Variants in HIVEP2 observed in about 807,000 individuals in gnomAD.
The protein encoded by HIVEP2 is transcription factor HIVEP2.
HIVEP2 carries 14 observed loss-of-function variants against 180.7 expected under a neutral mutation model. That is an observed-to-expected ratio of 0.08 (90% CI 0.05 to 0.12). The LOEUF (loss-of-function observed/expected upper bound fraction) is 0.12, where lower values mean the gene tolerates loss of function less well. Among genes scored for constraint, HIVEP2 ranks in the 10% least tolerant of loss-of-function variants. The pLI is 1.00. For missense variants in HIVEP2, 2,579 were observed against 3,008.5 expected, an observed-to-expected ratio of 0.86 and a Z score of 3.34; for synonymous variants, 1,184 against 1,136.4, an observed-to-expected ratio of 1.04 and a Z score of -0.84.
At chr6:142,791,415 G>A (rs952120869) in intron 2 of HIVEP2, among the ~76,000 whole-genome samples, 1 of 152,134 alleles carries the variant, frequency 6.6e-6, no homozygotes, top group Non-Finnish European at 1.5e-5. Context: ...GTGCTACATG[G>A]TTATTCAGGT....
chr6:142,846,828 G>C (rs980022161), intron 1 of HIVEP2, among the ~76,000 whole-genome samples: 1 of 152,202 alleles, frequency 6.6e-6, no homozygotes. Flanking sequence ...ACCTGTAAGA[G>C]TGTAAAAGAA....
intron 1 of HIVEP2, among the ~76,000 whole-genome samples, chr6:142,863,181 AT>A (rs550164871): frequency 2.0e-5 from 3 of 149,512 alleles, no homozygotes; most frequent in African/African-American, 7.3e-5. Flanking sequence ...GTTCTGTTGC[AT>A]TTTTTTTAAT....
chr6:142,894,817 G>A (rs1467896251), intron 1 of HIVEP2, among the ~76,000 whole-genome samples: 1 of 152,092 alleles, frequency 6.6e-6, no homozygotes, highest in Non-Finnish European at 1.5e-5. Context: ...CAGGGTCTCC[G>A]GCATCCACAG....
At chr6:142,812,185 C>T (rs1007824448) in intron 2 of HIVEP2, among the ~76,000 whole-genome samples, 2 of 152,068 alleles carry the variant, frequency 1.3e-5, no homozygotes, top group Admixed American at 6.6e-5. Context: ...CTACACCGAG[C>T]GAAATCCAAA....
Position 142,841,732 on chromosome 6 carries a change from G to C in HIVEP2, c.-640-4685C>G, listed in dbSNP as rs553365106. Among the ~76,000 whole-genome samples the C allele has an allele frequency of 2.0e-5, 3 of 152,052 alleles. No homozygotes were observed. In the South Asian group the frequency reaches 6.2e-4, roughly 32 times the overall value. On this transcript the variant is annotated intron_variant, in intron 1 of 9. Coordinates refer to ENST00000367603, the MANE Select transcript of HIVEP2 (RefSeq NM_006734.4). ...TCTTTTCAACATTTTGTTGTCCCAT[G>C]TTTAAAAAAATTGCATATTATTATG...
At chr6:142,889,663 A>G (rs1234816447) in intron 1 of HIVEP2, among the ~76,000 whole-genome samples, 2 of 152,210 alleles carry the variant, frequency 1.3e-5, no homozygotes, top group African/African-American at 2.4e-5. Flanking sequence ...AAATGGAATA[A>G]CATACACTGT....
In HIVEP2 at chr6:142,769,592, C is replaced by T. The variant is rs1010033600; in HGVS notation, c.5147G>A (p.Gly1716Asp). 3 of 1,614,170 alleles carry T rather than the reference C, an allele frequency of 1.9e-6. 1 individual carries two copies. Among genetic ancestry groups the T allele is most frequent in the South Asian group, 2.2e-5 (2 of 91,064 alleles). ...CCAAGCACTTGATGATGTAAGCTTG[C>T]CGGTTCCAGGCCTATGCATAGCAGC... ...TLAAMHRPGT[G>D]KLTSSSAWKQ... The change falls in exon 5 of 10, where the codon GGC (glycine) becomes GAC (aspartate). Residue 1716 changes from glycine (G) to aspartate (D), a missense_variant. Gly to Asp is a moderately conservative substitution (Grantham distance 94). Around this residue, in one of 11 missense-constraint regions of HIVEP2, gnomAD observed 349 missense variants for 367.2 expected, o/e 0.95. Coordinates refer to ENST00000367603, the MANE Select transcript of HIVEP2 (RefSeq NM_006734.4).
chr6:142,908,182 T>A (rs971950844), intron 1 of HIVEP2, among the ~76,000 whole-genome samples: 20 of 152,190 alleles, frequency 1.3e-4, no homozygotes, highest in Admixed American at 6.5e-5. Flanking sequence ...ACCATTTATA[T>A]CATACTCTAT....
chr6:142,788,214 G>A (rs1776051985), intron 2 of HIVEP2: 1 of 151,968 alleles, frequency 6.6e-6, no homozygotes, highest in South Asian at 2.1e-4. Flanking sequence ...GTTAAATGAC[G>A]AGTTAATGGG....
At chr6:142,842,110 C>G (rs1390505906) in intron 1 of HIVEP2, among the ~76,000 whole-genome samples, 1 of 152,052 alleles carries the variant, frequency 6.6e-6, no homozygotes, top group Non-Finnish European at 1.5e-5. Flanking sequence ...ATGACAAAGC[C>G]CTGAGTTCCT....
chr6:142,786,855 C>G (rs1489647943), intron 2 of HIVEP2, among the ~76,000 whole-genome samples: 1 of 152,142 alleles, frequency 6.6e-6, no homozygotes, highest in Non-Finnish European at 1.5e-5. Context: ...GCAGAACTCT[C>G]AAGTACCTCC....
In HIVEP2 at chr6:142,922,218, T is replaced by C. The variant is rs9403423; in HGVS notation, c.-641+22881A>G. 8.5e-3 allele frequency among the ~76,000 whole-genome samples: 1,290 copies of C among 152,334 alleles called. 82 individuals are homozygous for C. The East Asian group carries it at 0.17, about 20-fold the overall frequency. ...CTCACCAAGCTGCTCTCAGTGTCTA[T>C]TGATCCTTCCAAAGGCAGCTGAGGG... On this transcript the variant is annotated intron_variant, in intron 1 of 9. Coordinates refer to ENST00000367603, the MANE Select transcript of HIVEP2 (RefSeq NM_006734.4).
At position 142,753,125 on chromosome 6, in the gene HIVEP2, T is replaced by C. The variant is rs1252353474; in HGVS notation, c.7323A>G (p.Glu2441=). The C allele has an allele frequency of 6.2e-7, 1 of 1,603,408 alleles. No individual in the cohort carries two copies. Among genetic ancestry groups the C allele is most frequent in the African/African-American group, 1.3e-5 (1 of 74,736 alleles). ...TCATAGATCAATGTAGCTGACTCTTTTCTGATGAAGGATCTTTGCTTTCCT... is the reference window on the plus strand; with the variant it reads ...TCATAGATCAATGTAGCTGACTCTTCTCTGATGAAGGATCTTTGCTTTCCT... ...STEESKDPSS[E]KSQLH Residue 2441 remains glutamate (E), a synonymous_variant, in exon 10 of 10, where the codon GAA becomes GAG. Coordinates refer to ENST00000367603, the MANE Select transcript of HIVEP2 (RefSeq NM_006734.4).
chr6:142,854,729 A>G (rs748789299), intron 1 of HIVEP2, among the ~76,000 whole-genome samples: 17 of 152,176 alleles, frequency 1.1e-4, no homozygotes, highest in Non-Finnish European at 2.9e-5. Flanking sequence ...CCAATGCCAC[A>G]TCCTGCTTCT....
rs552074049 is a variant in HIVEP2, at chr6:142,805,588, T to C, written c.-527-21973A>G. Among the ~76,000 whole-genome samples the C allele has an allele frequency of 2.4e-3, 364 of 152,032 alleles. 1 individual carries two copies. Among genetic ancestry groups the C allele is most frequent in the South Asian group, 4.0e-3 (19 of 4,806 alleles). ...TTTACAGAAAAAAAAAAAAATCTAC[T>C]TTTCTTCAAGGCGAGGACCTTATAC... On this transcript the variant is annotated intron_variant, in intron 2 of 9. Transcript: ENST00000367603.
At chr6:142,797,720 A>G (rs1191366488) in intron 2 of HIVEP2, among the ~76,000 whole-genome samples, 1 of 152,124 alleles carries the variant, frequency 6.6e-6, no homozygotes. Flanking sequence ...ATATTGTTAT[A>G]ATTGTCCTTT....
intron 2 of HIVEP2, among the ~76,000 whole-genome samples, chr6:142,793,679 C>CTCTCTCTCTA (rs1776211971): frequency 8.4e-6 from 1 of 119,414 alleles, no homozygotes; most frequent in African/African-American, 2.9e-5. Context: ...TTCTTTCTCT[C>CTCTCTCTCTA]TCTCTCTCTC....
rs1775655283 is a variant in HIVEP2, at chr6:142,774,851, G to A, written c.-113C>T. On this transcript the variant is annotated 5_prime_UTR_variant, in exon 5 of 10. The change creates a premature stop within an existing upstream ORF in the 5' untranslated region. Transcript: ENST00000367603. This position sits in a 1 kb window ranked among gnomAD's most constrained non-coding sequence, Gnocchi z 5.1. ...GTTGCTTCCATGTTCCAGGGTGTCT[G>A]CAAACTTGCTGATTGCTCCTTCTCT... 1.3e-6 allele frequency: 2 copies of A among 1,515,444 alleles called. No individual in the cohort carries two copies. The highest frequency in any genetic ancestry group is 1.8e-6 in the Non-Finnish European group (2 of 1,139,230). 93.9% of individuals were successfully genotyped at this position (1,515,444 alleles called of 1,614,324 possible). A position where few individuals can be genotyped will look rare whatever the true frequency, so the allele number is the denominator to read the frequency against.
chr6:142,880,044 A>G (rs1276580245), intron 1 of HIVEP2, among the ~76,000 whole-genome samples: 2 of 151,872 alleles, frequency 1.3e-5, no homozygotes, highest in Non-Finnish European at 2.9e-5. Context: ...GAAACTCTAT[A>G]ATTCATCTCT....
Sources: gnomAD v4.1 joint callset for allele counts (sites outside exome capture counted in the v4.1 genomes callset) on GRCh38, gnomAD v4.1.1 for gene constraint, gnomAD v4.1.1 regional missense constraint, Gnocchi (gnomAD v3.1) non-coding constraint, MANE v1.5 for transcripts, NCBI Gene and HGNC (gene_info 2026-07-23, HGNC 2026-07-21) for gene names.